DCC: variants seen among roughly 807,000 people sequenced by gnomAD.
The protein encoded by DCC is netrin receptor DCC.
In DCC, 58 loss-of-function variants were observed where a neutral mutation model predicts 172.5. The ratio of observed to expected loss-of-function variants is 0.34; its 90% CI spans 0.27 to 0.42. The LOEUF is 0.42. DCC is among the 10% of genes least tolerant of loss of function. The pLI, the probability that DCC is intolerant of heterozygous loss-of-function variation, is 1.00. For synonymous variants in DCC, 709 were observed against 644.5 expected (o/e 1.10, Z -1.52); for missense variants, 1,740 against 1,791.0 (o/e 0.97, Z 0.51).
chr18:53,368,710 T>C (rs1021723213), intron 15 of DCC, among the ~76,000 whole-genome samples: 2 of 152,074 alleles, frequency 1.3e-5, no homozygotes, highest in Admixed American at 1.3e-4. Context: ...CCTTTCTCCA[T>C]TAAATCGTCT....
At chr18:53,302,135 AC>A (rs762346290) in intron 12 of DCC, among the ~76,000 whole-genome samples, 16 of 152,018 alleles carry the variant, frequency 1.1e-4, no homozygotes, top group South Asian at 4.1e-4. Context: ...TTTAAGACCT[AC>A]CCTCGTGAAC....
At chr18:52,356,362 A>C (rs1241914919) in intron 1 of DCC, among the ~76,000 whole-genome samples, 1 of 152,170 alleles carries the variant, frequency 6.6e-6, no homozygotes, top group Non-Finnish European at 1.5e-5. Context: ...TTGCTTCAAA[A>C]TGTATAGAAA....
chr18:52,881,344 G>T (rs9949985), intron 2 of DCC, among the ~76,000 whole-genome samples: 136,522 of 151,838 alleles, frequency 0.9, 61,805 homozygotes, highest in Middle Eastern at 0.97. Flanking sequence ...AGCAGAAGCT[G>T]TATAACTTGA....
At chr18:53,504,571 G>C (rs1243202934) in intron 27 of DCC, among the ~76,000 whole-genome samples, 2 of 152,092 alleles carry the variant, frequency 1.3e-5, no homozygotes, top group Non-Finnish European at 2.9e-5. Flanking sequence ...AACAGAATTA[G>C]GATGATTCGA....
chr18:52,604,223 A>G (rs982332636), intron 1 of DCC, among the ~76,000 whole-genome samples: 7 of 152,100 alleles, frequency 4.6e-5, no homozygotes, highest in African/African-American at 1.7e-4. Context: ...TCATTTCATC[A>G]ATCTGACCAA....
At chr18:52,757,354 G>A (rs1322619357) in intron 2 of DCC, 1 of 152,110 alleles carries the variant, frequency 6.6e-6, no homozygotes, top group African/African-American at 2.4e-5. Context: ...TAACACAACT[G>A]GTACCCTCCT....
At chr18:52,621,938 G>T (rs2034488495) in intron 1 of DCC, among the ~76,000 whole-genome samples, 1 of 152,158 alleles carries the variant, frequency 6.6e-6, no homozygotes, top group Admixed American at 6.5e-5. Flanking sequence ...TTGACTTAGA[G>T]TGAAATATAC....
intron 5 of DCC, among the ~76,000 whole-genome samples, chr18:53,050,298 G>T (rs1054909114): frequency 6.6e-6 from 1 of 151,960 alleles, no homozygotes; most frequent in Non-Finnish European, 1.5e-5. Flanking sequence ...GAAACACCCA[G>T]ATACACCCGG....
intron 1 of DCC, among the ~76,000 whole-genome samples, chr18:52,466,237 A>G (rs1472152243): frequency 5.9e-5 from 9 of 152,262 alleles, no homozygotes; most frequent in African/African-American, 2.2e-4. Context: ...TCAAAAAGGG[A>G]TATGCGGCAG....
At chr18:52,585,884 C>A (rs2033659132) in intron 1 of DCC, among the ~76,000 whole-genome samples, 2 of 152,042 alleles carry the variant, frequency 1.3e-5, no homozygotes, top group Non-Finnish European at 2.9e-5. Context: ...GTGATCAAGA[C>A]CATCTTGGCT....
chr18:53,481,979 T>G lies in DCC; in HGVS notation c.3737-4818T>G, dbSNP rs11662870. Among the ~76,000 whole-genome samples the G allele has an allele frequency of 8.1e-3, 1,236 of 152,288 alleles. 12 individuals are homozygous for G. The highest frequency in any genetic ancestry group is 0.017 in the Middle Eastern group (5 of 294). The stretch of plus-strand genomic sequence containing the variant: ...AGAGCAGAGATTTATTGAAAATGCT[T>G]GATGATATCGCTCTCTGAGCTGTTT... On this transcript the variant is annotated intron_variant, in intron 25 of 28. Coordinates refer to ENST00000442544, the MANE Select transcript of DCC (RefSeq NM_005215.4).
chr18:52,632,687 T>A (rs951636029), intron 1 of DCC, among the ~76,000 whole-genome samples: 1 of 152,236 alleles, frequency 6.6e-6, no homozygotes, highest in Non-Finnish European at 1.5e-5. Context: ...TGCATTCTGA[T>A]CATGAGCATT....
chr18:53,090,254 C>T (rs2042982553), intron 7 of DCC, among the ~76,000 whole-genome samples: 2 of 152,132 alleles, frequency 1.3e-5, no homozygotes, highest in South Asian at 4.1e-4. Context: ...TAGTTATCTA[C>T]ATTAAGTAGC....
At chr18:53,065,030 C>T (rs1182906477) in intron 6 of DCC, among the ~76,000 whole-genome samples, 1 of 152,050 alleles carries the variant, frequency 6.6e-6, no homozygotes, top group Non-Finnish European at 1.5e-5. Context: ...AAGGTATTGC[C>T]CGATTTGCAT....
intron 2 of DCC, among the ~76,000 whole-genome samples, chr18:52,845,322 C>T (rs1041186922): frequency 6.6e-6 from 1 of 152,190 alleles, no homozygotes; most frequent in African/African-American, 2.4e-5. Context: ...TTTATATTGA[C>T]ACAATTTAAA....
At chr18:53,096,786 G>C (rs1445749949) in intron 7 of DCC, among the ~76,000 whole-genome samples, 1 of 152,064 alleles carries the variant, frequency 6.6e-6, no homozygotes, top group Non-Finnish European at 1.5e-5. Flanking sequence ...TCAGCTTGCA[G>C]TTTGTGATAT....
intron 7 of DCC, among the ~76,000 whole-genome samples, chr18:53,091,851 CAA>C (rs1469494932): frequency 5.5e-5 from 3 of 54,358 alleles, no homozygotes; most frequent in African/African-American, 2.8e-4. Flanking sequence ...ATCTATCTAT[CAA>C]TCTATCTATA....
chr18:52,654,126 T>C (rs2035198030), intron 1 of DCC, among the ~76,000 whole-genome samples: 1 of 152,194 alleles, frequency 6.6e-6, no homozygotes, highest in African/African-American at 2.4e-5. Context: ...GGTACCAAAT[T>C]CCTCACATAT....
intron 5 of DCC, among the ~76,000 whole-genome samples, chr18:53,057,850 T>C (rs1156847618): frequency 6.6e-6 from 1 of 152,070 alleles, no homozygotes; most frequent in African/African-American, 2.4e-5. Flanking sequence ...AACAAACATA[T>C]GCTTCAGGCT....
Sources: allele counts gnomAD v4.1 joint callset (sites outside exome capture counted in the v4.1 genomes callset), GRCh38; gene constraint gnomAD v4.1.1; transcripts MANE v1.5; gene names NCBI Gene and HGNC (gene_info 2026-07-23, HGNC 2026-07-21).